BCLAF1: variants seen among roughly 807,000 people sequenced by gnomAD.
BCLAF1 encodes BCL2 associated transcription factor 1.
Under a neutral mutation model 99.5 loss-of-function variants are expected in BCLAF1, and 10 were observed. That is an observed-to-expected ratio of 0.10 (90% CI 0.06 to 0.17). The LOEUF (loss-of-function observed/expected upper bound fraction) is 0.17, where lower values mean the gene tolerates loss of function less well. Among genes scored for constraint, BCLAF1 ranks in the 10% least tolerant of loss-of-function variants. The pLI is 1.00. For synonymous variants in BCLAF1, 255 were observed against 370.9 expected (o/e 0.69, Z 3.59); for missense variants, 636 against 1,105.8 (o/e 0.58, Z 6.02).
chr6:136,272,959 A>G, intron 7 of BCLAF1, 123 bp downstream of exon 7: 1 of 578,300 alleles, frequency 1.7e-6, no homozygotes, highest in Non-Finnish European at 2.9e-6. Flanking sequence ...ATATTTATTT[A>G]AAGTATAAAT....
At position 136,258,704 on chromosome 6, in the gene BCLAF1, T is replaced by C. The variant is rs575415765; in HGVS notation, c.*2406A>G. 4.6e-5 allele frequency: 7 copies of C among 152,608 alleles called. No homozygotes were observed. The highest frequency in any genetic ancestry group is 3.9e-4 in the Admixed American group (6 of 15,286). The allele number at this position is 152,608 out of a possible 1,614,324, so 9.5% of individuals were successfully genotyped here. ...CTACATTCAATGTTACTGGGTAATA[T>C]TTTTCTCAAATTATAATTCCCAACA... On this transcript the variant is annotated 3_prime_UTR_variant, in exon 13 of 13. Transcript: ENST00000531224.
Position 136,269,603 on chromosome 6 carries a change from T to C in BCLAF1, c.2053A>G (p.Lys685Glu). The C allele has an allele frequency of 6.3e-7, 1 of 1,593,750 alleles. No homozygotes were observed. Among genetic ancestry groups the C allele is most frequent in the Admixed American group, 1.8e-5 (1 of 54,120 alleles). ...AGGTCAGCAGAGTCACACCTTAATT[T>C]TTTATCTCCCTATAAAAGACAGATA... ...FKEENQKGDK[K>E]LRCDSADLRH... The change falls in exon 9 of 13, where the codon AAA becomes GAA. Residue 685 changes from lysine (K) to glutamate (E), a missense_variant. Lys to Glu is a moderately conservative substitution (Grantham distance 56). This residue lies in a region of BCLAF1 where 180 missense variants were observed against 270.0 expected (regional missense o/e 0.67). Transcript: ENST00000531224.
In BCLAF1 at chr6:136,256,714, A is replaced by AATAAATAAAT; in HGVS notation, c.*4395_*4396insATTTATTTAT. On this transcript the variant is annotated 3_prime_UTR_variant, in exon 13 of 13. Transcript: ENST00000531224. ...AAATAAATAAATAAATAAATAATTC[A>AATAAATAAAT]AAGTGCATTTAACATTCTTTTTCAC... 6.1e-6 allele frequency: 1 copy of AATAAATAAAT among 163,438 alleles called. No homozygotes were observed. The highest frequency in any genetic ancestry group is 1.8e-4 in the East Asian group (1 of 5,672). 10.1% of individuals were successfully genotyped at this position (163,438 alleles called of 1,614,324 possible).
chr6:136,276,948 G>A (rs148950077), intron 4 of BCLAF1, among the ~76,000 whole-genome samples: 22 of 152,212 alleles, frequency 1.4e-4, no homozygotes, highest in African/African-American at 5.3e-4. Flanking sequence ...AATTACCACT[G>A]CAGTAATTTA....
In BCLAF1 at chr6:136,278,254, G is replaced by C; in HGVS notation, c.627C>G (p.Ser209=). Residue 209 remains serine (S), a synonymous_variant, in exon 4 of 13, where the codon TCC becomes TCG. Transcript: ENST00000531224. ...CTGAAAGGCCAGGCCAAATATCACC[G>C]GATGTGGCTGATGACTTATTAAATT... ...IDEFNKSSAT[S]GDIWPGLSAY... The C allele has an allele frequency of 1.2e-6, 2 of 1,614,090 alleles. No homozygotes were observed. Among genetic ancestry groups the C allele is most frequent in the African/African-American group, 1.3e-5 (1 of 75,056 alleles).
intron 1 of BCLAF1, among the ~76,000 whole-genome samples, chr6:136,283,287 T>C (rs1784629167): frequency 6.6e-6 from 1 of 152,086 alleles, no homozygotes; most frequent in South Asian, 2.1e-4. Flanking sequence ...TATTCTCTTT[T>C]GGTACTTCCT....
At chr6:136,284,130 G>GTAGA (rs1554220650) in intron 1 of BCLAF1, among the ~76,000 whole-genome samples, 6 of 122,120 alleles carry the variant, frequency 4.9e-5, no homozygotes, top group African/African-American at 2.4e-4. Context: ...GTGTGTGTGT[G>GTAGA]TATATATATA....
chr6:136,272,086 G>A lies in BCLAF1; in HGVS notation c.1959-7C>T, dbSNP rs1283467366. 1 of 1,559,250 alleles carries A rather than the reference G, an allele frequency of 6.4e-7. No homozygotes were observed. The highest frequency in any genetic ancestry group is 2.3e-5 in the East Asian group (1 of 44,110). ...TGGTGAGATGTCAATTCTCCTTAAT[G>A]TAAAATAAAATATATTTTTAGTCAT... On this transcript the variant is annotated splice_region_variant and splice_polypyrimidine_tract_variant and intron_variant, in intron 7 of 12. Transcript: ENST00000531224.
intron 1 of BCLAF1, among the ~76,000 whole-genome samples, chr6:136,283,178 C>CAAAAAAAAAA (rs1173234336): frequency 1.9e-5 from 1 of 52,038 alleles, no homozygotes; most frequent in African/African-American, 7.8e-5. Context: ...GACCCCATCT[C>CAAAAAAAAAA]AAAAAAAAAA....
intron 4 of BCLAF1, among the ~76,000 whole-genome samples, chr6:136,277,307 C>T (rs1432460239): frequency 6.6e-6 from 1 of 152,150 alleles, no homozygotes; most frequent in Non-Finnish European, 1.5e-5. Flanking sequence ...CACCTAAGAA[C>T]ATGCAATATA....
chr6:136,271,882 GA>G (rs1782584059), intron 8 of BCLAF1, 112 bp downstream of exon 8: 3 of 729,804 alleles, frequency 4.1e-6, no homozygotes, highest in South Asian at 3.4e-5. Context: ...ATATAGTTAT[GA>G]ATTAAAAGTA....
At chr6:136,281,741 C>T (rs573175903) in intron 2 of BCLAF1, among the ~76,000 whole-genome samples, 2 of 152,250 alleles carry the variant, frequency 1.3e-5, no homozygotes, top group South Asian at 2.1e-4. Context: ...GTTCTTTGCT[C>T]TTGAGGCTTT....
In BCLAF1 at chr6:136,271,999, T is replaced by C. The variant is rs1210392975; in HGVS notation, c.2039A>G (p.Gln680Arg). ...AAATTACATTCAAAAACATACCTTT[T>C]GATTTTCTTCTTTAAAAACTCTCTC... ...GEERVFKEEN[Q>R]KGDKKLRCDS... Residue 680 changes from glutamine to arginine, a missense_variant, in exon 8 of 13, where the codon CAA (glutamine) becomes CGA (arginine). Physicochemically the swap from Gln to Arg is conservative, Grantham distance 43. This residue lies in a region of BCLAF1 where 180 missense variants were observed against 270.0 expected (regional missense o/e 0.67). Transcript: ENST00000531224. 3.1e-6 allele frequency: 5 copies of C among 1,599,060 alleles called. No individual in the cohort carries two copies. The highest frequency in any genetic ancestry group is 4.3e-6 in the Non-Finnish European group (5 of 1,169,244).
rs1211004010 is a variant in BCLAF1 at position 136,259,524 on chromosome 6, G to A, written c.*1586C>T. The stretch of plus-strand genomic sequence containing the variant: ...AATGCAATACATACTTCCTTTGGCA[G>A]GTATTTCCTCTGCTTTAATAGACAA... On this transcript the variant is annotated 3_prime_UTR_variant, in exon 13 of 13. Coordinates refer to ENST00000531224, the MANE Select transcript of BCLAF1 (RefSeq NM_014739.3). The A allele has an allele frequency of 2.0e-5, 3 of 152,014 alleles. No homozygotes were observed. Among genetic ancestry groups the A allele is most frequent in the Non-Finnish European group, 1.5e-5 (1 of 67,892 alleles). The allele number at this position is 152,014 out of a possible 1,614,324, so 9.4% of individuals were successfully genotyped here.
At chr6:136,267,505 G>A (rs922641900) in intron 10 of BCLAF1, among the ~76,000 whole-genome samples, 1 of 151,758 alleles carries the variant, frequency 6.6e-6, no homozygotes, top group Non-Finnish European at 1.5e-5. Flanking sequence ...GAAGCCCCAA[G>A]TATTCAGCCA....
At chr6:136,287,163 G>C (rs1785250957) in intron 1 of BCLAF1, among the ~76,000 whole-genome samples, 1 of 151,230 alleles carries the variant, frequency 6.6e-6, no homozygotes, top group Non-Finnish European at 1.5e-5. Flanking sequence ...AAAATTAGCA[G>C]GACATGGTGG....
At chr6:136,289,533 G>A (rs1434816858) in intron 1 of BCLAF1, among the ~76,000 whole-genome samples, 180 bp downstream of exon 1, 2 of 152,132 alleles carry the variant, frequency 1.3e-5, no homozygotes, top group Non-Finnish European at 2.9e-5. Context: ...CGGCCTTTTC[G>A]GCCCGTAGTG....
rs1583995899 is a variant in BCLAF1 at position 136,261,051 on chromosome 6, T to A, written c.*59A>T. 6.7e-7 allele frequency: 1 copy of A among 1,482,150 alleles called. No homozygotes were observed. Among genetic ancestry groups the A allele is most frequent in the East Asian group, 2.3e-5 (1 of 42,594 alleles). The allele number at this position is 1,482,150 out of a possible 1,614,324, so 91.8% of individuals were successfully genotyped here. On this transcript the variant is annotated 3_prime_UTR_variant, in exon 13 of 13. Coordinates refer to ENST00000531224, the MANE Select transcript of BCLAF1 (RefSeq NM_014739.3). ...TTACATTCTTATTTGAAAACAAAAA[T>A]CAGGTAAAAAAAATGGTGGGTGCAA...
intron 12 of BCLAF1, 34 bp from the exon 13 acceptor site, chr6:136,261,149 A>C (rs1780918781): frequency 6.4e-7 from 1 of 1,572,470 alleles, no homozygotes; most frequent in African/African-American, 1.4e-5. Context: ...AGATTAACAA[A>C]AGATGCGGAG....
Sources: allele counts gnomAD v4.1 joint callset (sites outside exome capture counted in the v4.1 genomes callset), GRCh38; gene constraint gnomAD v4.1.1; regional missense constraint gnomAD v4.1.1; transcripts MANE v1.5; gene names NCBI Gene and HGNC (gene_info 2026-07-23, HGNC 2026-07-21).